Variants in NRG3 observed in about 807,000 individuals in gnomAD.
NRG3 encodes neuregulin 3, also known as pro-neuregulin-3, membrane-bound isoform.
Under a neutral mutation model 66.9 loss-of-function variants are expected in NRG3, and 31 were observed. That is an observed-to-expected ratio of 0.46 (90% CI 0.35 to 0.63). The LOEUF is 0.63. Among genes scored for constraint, NRG3 ranks in the 20% least tolerant of loss-of-function variants. NRG3 has a pLI of 0.00. For synonymous variants in NRG3, 393 were observed against 359.4 expected (o/e 1.09, Z -1.06); for missense variants, 910 against 878.9 (o/e 1.04, Z -0.45).
intron 1 of NRG3, among the ~76,000 whole-genome samples, chr10:82,203,653 CATT>C (rs1459963944): frequency 6.6e-6 from 1 of 152,068 alleles, no homozygotes; most frequent in Non-Finnish European, 1.5e-5. Context: ...AAAATTAGTA[CATT>C]ATAATAAAAA....
intron 2 of NRG3, among the ~76,000 whole-genome samples, chr10:82,675,027 C>T (rs1207687519): frequency 3.3e-5 from 5 of 151,690 alleles, no homozygotes; most frequent in East Asian, 1.9e-4. Context: ...TGGCGCGCCT[C>T]GGCTCACTGC....
At chr10:82,877,537 C>CTTTTTTTTTTTTTTT (rs61471998) in intron 4 of NRG3, among the ~76,000 whole-genome samples, 1 of 74,942 alleles carries the variant, frequency 1.3e-5, no homozygotes, top group Non-Finnish European at 2.3e-5. Flanking sequence ...CCACACCCGG[C>CTTTTTTTTTTTTTTT]TTTTTTTTTT....
At chr10:82,164,212 T>C (rs2132995135) in intron 1 of NRG3, among the ~76,000 whole-genome samples, 1 of 152,188 alleles carries the variant, frequency 6.6e-6, no homozygotes, top group Middle Eastern at 3.4e-3. Context: ...CCACAGCACC[T>C]GGCAAAATTT....
chr10:81,952,173 G>A (rs1007607709), intron 1 of NRG3, among the ~76,000 whole-genome samples: 1 of 152,086 alleles, frequency 6.6e-6, no homozygotes, highest in Non-Finnish European at 1.5e-5. Context: ...GCACACCAAC[G>A]TGGCACATGT....
chr10:82,941,624 G>A (rs531021784), intron 4 of NRG3, among the ~76,000 whole-genome samples: 2 of 152,262 alleles, frequency 1.3e-5, no homozygotes, highest in South Asian at 4.1e-4. Flanking sequence ...AAGTCAGAGT[G>A]CAACCATTAG....
chr10:81,912,409 A>G (rs1052020224), intron 1 of NRG3, among the ~76,000 whole-genome samples: 1 of 152,088 alleles, frequency 6.6e-6, no homozygotes, highest in Non-Finnish European at 1.5e-5. Flanking sequence ...TTTTGTAGAG[A>G]TGAGGTCTCC....
At chr10:82,667,591 A>G (rs1433659017) in intron 2 of NRG3, among the ~76,000 whole-genome samples, 1 of 152,172 alleles carries the variant, frequency 6.6e-6, no homozygotes, top group Non-Finnish European at 1.5e-5. Flanking sequence ...GGAGAGGAGA[A>G]TAAAATTAAA....
At chr10:82,030,697 TG>T (rs781258465) in intron 1 of NRG3, among the ~76,000 whole-genome samples, 1 of 136,714 alleles carries the variant, frequency 7.3e-6, no homozygotes, top group African/African-American at 3.0e-5. Context: ...ATGTCTAATT[TG>T]GAAAAAAAAA....
rs148039522 is a variant in NRG3, at chr10:82,444,106, T to C, written c.953+85238T>C. Among the ~76,000 whole-genome samples the C allele has an allele frequency of 9.6e-3, 1,457 of 152,312 alleles. 52 individuals carry two copies. In the East Asian group the frequency reaches 0.11, roughly 11 times the overall value. On this transcript the variant is annotated intron_variant, in intron 2 of 8. Transcript: ENST00000372141. ...TCTCTTAAAAAAAATTTGTTGTTTG[T>C]TTGTTTTTGTTTTTGAGATGGAGCC...
At chr10:82,470,931 C>G (rs1401877595) in intron 2 of NRG3, among the ~76,000 whole-genome samples, 1 of 152,186 alleles carries the variant, frequency 6.6e-6, no homozygotes, top group Admixed American at 6.5e-5. Flanking sequence ...AGTCTGCTGT[C>G]CACACAATTC....
chr10:81,946,265 C>G (rs1233097683), intron 1 of NRG3, among the ~76,000 whole-genome samples: 1 of 152,148 alleles, frequency 6.6e-6, no homozygotes, highest in African/African-American at 2.4e-5. Context: ...TATCTACCCA[C>G]CTCGGCCTCC....
At chr10:82,013,332 G>A (rs550880055) in intron 1 of NRG3, among the ~76,000 whole-genome samples, 59 of 152,252 alleles carry the variant, frequency 3.9e-4, no homozygotes, top group Non-Finnish European at 6.9e-4. Flanking sequence ...TCTCCACCTC[G>A]CCTTGCCCTT....
chr10:82,663,475 T>G (rs1401960205), intron 2 of NRG3, among the ~76,000 whole-genome samples: 1 of 152,160 alleles, frequency 6.6e-6, no homozygotes, highest in Non-Finnish European at 1.5e-5. Context: ...AACAATAGCC[T>G]CATAAGCACA....
intron 1 of NRG3, among the ~76,000 whole-genome samples, chr10:82,356,297 TTA>T (rs1323441288): frequency 6.6e-6 from 1 of 152,216 alleles, no homozygotes; most frequent in African/African-American, 2.4e-5. Flanking sequence ...ATGCTGTAGA[TTA>T]TGTTAATGAA....
intron 1 of NRG3, among the ~76,000 whole-genome samples, chr10:82,096,325 A>G (rs189114133): frequency 2.6e-4 from 40 of 152,104 alleles, no homozygotes; most frequent in African/African-American, 9.2e-4. Flanking sequence ...AAATACAACA[A>G]ATTAGCTGGG....
chr10:82,156,888 A>G (rs2071230848), intron 1 of NRG3, among the ~76,000 whole-genome samples: 1 of 151,718 alleles, frequency 6.6e-6, no homozygotes, highest in Non-Finnish European at 1.5e-5. Context: ...AGAAGAAACT[A>G]TTTAAAACTT....
At chr10:82,494,481 A>ATG (rs377198509) in intron 2 of NRG3, among the ~76,000 whole-genome samples, 2,227 of 150,122 alleles carry the variant, frequency 0.015, 24 homozygotes, top group Middle Eastern at 0.066. Context: ...GTAAGTGCGA[A>ATG]TGTGTGTGTG....
At chr10:82,349,699 G>A (rs1434142728) in intron 1 of NRG3, among the ~76,000 whole-genome samples, 1 of 152,052 alleles carries the variant, frequency 6.6e-6, no homozygotes, top group African/African-American at 2.4e-5. Flanking sequence ...TCAGACTGCT[G>A]TGCTAGCAAT....
chr10:82,605,470 G>A (rs2047911429), intron 2 of NRG3, among the ~76,000 whole-genome samples: 4 of 151,896 alleles, frequency 2.6e-5, no homozygotes, highest in Admixed American at 6.6e-5. Flanking sequence ...ACATCAGTGG[G>A]TTCAATTTGC....
Sources: allele counts gnomAD v4.1 joint callset (sites outside exome capture counted in the v4.1 genomes callset), GRCh38; gene constraint gnomAD v4.1.1; transcripts MANE v1.5; gene names NCBI Gene and HGNC (gene_info 2026-07-23, HGNC 2026-07-21).